Variants in SUPT16H observed in about 807,000 individuals in gnomAD.
The protein encoded by SUPT16H is SPT16 homolog, facilitates chromatin remodeling subunit.
Under a neutral mutation model 136.2 loss-of-function variants are expected in SUPT16H, and 24 were observed. The ratio of observed to expected loss-of-function variants is 0.18; its 90% confidence interval spans 0.13 to 0.25. The LOEUF (loss-of-function observed/expected upper bound fraction) is 0.25, where lower values mean the gene tolerates loss of function less well. Ranked by LOEUF, SUPT16H falls within the 10% of genes least tolerant of loss-of-function variation. The pLI, the probability that SUPT16H is intolerant of heterozygous loss-of-function variation, is 1.00. For synonymous variants in SUPT16H, 415 were observed against 428.2 expected (o/e 0.97, Z 0.38); for missense variants, 623 against 1,270.2 (o/e 0.49, Z 7.74).
At chr14:21,367,823 A>T (rs1047397267) in intron 7 of SUPT16H, among the ~76,000 whole-genome samples, 1 of 152,236 alleles carries the variant, frequency 6.6e-6, no homozygotes, top group African/African-American at 2.4e-5. Flanking sequence ...AGATGCTAGG[A>T]TGATTCAACA....
chr14:21,372,891 T>C (rs1886818203), intron 2 of SUPT16H, among the ~76,000 whole-genome samples: 1 of 152,198 alleles, frequency 6.6e-6, no homozygotes, highest in Non-Finnish European at 1.5e-5. Flanking sequence ...CTCTGTCCAA[T>C]ATGGGGTAGC....
chr14:21,377,518 A>G (rs1477193849), intron 1 of SUPT16H, among the ~76,000 whole-genome samples: 1 of 152,094 alleles, frequency 6.6e-6, no homozygotes, highest in Admixed American at 6.5e-5. Flanking sequence ...ACCAAAAGTG[A>G]GGGCAAACTA....
chr14:21,359,696 C>T (rs1886509806), intron 18 of SUPT16H, 87 bp from the exon 19 acceptor site: 17 of 1,488,744 alleles, frequency 1.1e-5, no homozygotes, highest in Non-Finnish European at 1.4e-5. Flanking sequence ...CTTGGGCCTC[C>T]ACAGCATGCA....
intron 25 of SUPT16H, 79 bp from the exon 26 acceptor site, chr14:21,352,897 A>G: frequency 1.3e-6 from 2 of 1,587,410 alleles, no homozygotes; most frequent in African/African-American, 1.3e-5. Flanking sequence ...GAGATAGTAC[A>G]GAGAATACAC....
intron 8 of SUPT16H, 58 bp from the exon 9 acceptor site, chr14:21,365,201 C>T (rs561579911): frequency 1.4e-6 from 2 of 1,465,682 alleles, no homozygotes; most frequent in Non-Finnish European, 1.9e-6. Flanking sequence ...ATGGATCAAG[C>T]ATAACATATT....
intron 10 of SUPT16H, among the ~76,000 whole-genome samples, chr14:21,364,611 A>C (rs1329047041): frequency 6.6e-6 from 1 of 152,220 alleles, no homozygotes; most frequent in Non-Finnish European, 1.5e-5. Context: ...TATCATTATC[A>C]AGGTTCAAGC....
intron 10 of SUPT16H, among the ~76,000 whole-genome samples, chr14:21,364,519 T>C (rs182283193): frequency 1.3e-5 from 2 of 152,370 alleles, no homozygotes; most frequent in Admixed American, 1.3e-4. Context: ...AATTGTATAG[T>C]ATGTGAATTG....
chr14:21,360,993 T>C, intron 16 of SUPT16H, 21 bp from the exon 17 acceptor site: 3 of 1,612,072 alleles, frequency 1.9e-6, no homozygotes, highest in Non-Finnish European at 2.5e-6. Context: ...AGAAAATTAA[T>C]GTGAATTGTC....
chr14:21,356,137 A>G (rs187603573), intron 22 of SUPT16H, among the ~76,000 whole-genome samples: 119 of 152,324 alleles, frequency 7.8e-4, no homozygotes, highest in African/African-American at 2.4e-3. Context: ...AGGCTGGGAC[A>G]GCTAGAATTT....
intron 14 of SUPT16H, 106 bp downstream of exon 14, chr14:21,362,688 A>G: frequency 7.8e-7 from 1 of 1,286,762 alleles, no homozygotes; most frequent in South Asian, 1.5e-5. Context: ...CAGAGTCTGA[A>G]GGAGTCAAAA....
intron 1 of SUPT16H, among the ~76,000 whole-genome samples, chr14:21,381,326 C>A (rs1055119455): frequency 2.6e-5 from 4 of 151,904 alleles, no homozygotes; most frequent in African/African-American, 9.7e-5. Context: ...AAAATATGTA[C>A]CTAACTGAAA....
chr14:21,363,337 A>G lies in SUPT16H; in HGVS notation c.1300-9T>C. On this transcript the variant is annotated splice_polypyrimidine_tract_variant and intron_variant, in intron 11 of 25. Coordinates refer to ENST00000216297, the MANE Select transcript of SUPT16H (RefSeq NM_007192.4). ...TCTTCCTCATCTTCATTCTATGGAA[A>G]AAGTCATAATCAAAAAATGAAATTT... is the stretch of plus-strand genomic sequence containing the variant. The G allele has an allele frequency of 6.2e-7, 1 of 1,602,010 alleles. No homozygotes were observed. The highest frequency in any genetic ancestry group is 8.5e-7 in the Non-Finnish European group (1 of 1,172,830).
chr14:21,362,107 T>C lies in SUPT16H; in HGVS notation c.1793+90A>G, dbSNP rs1022429366. 4 of 1,445,496 alleles carry C rather than the reference T, an allele frequency of 2.8e-6. No individual in the cohort carries two copies. The African/African-American group carries it at 5.7e-5, about 21-fold the overall frequency. The allele number at this position is 1,445,496 out of a possible 1,614,324, so 89.5% of individuals were successfully genotyped here. A position where few individuals can be genotyped will look rare whatever the true frequency, so the allele number is the denominator to read the frequency against. Reference sequence around the variant, plus strand: ...GAGGAAGGCTTTGACATTTACTAGGTAGGGAAAATGTAGCACAGACAATGA... The same window carrying C: ...GAGGAAGGCTTTGACATTTACTAGGCAGGGAAAATGTAGCACAGACAATGA... On this transcript the variant is annotated intron_variant, in intron 15 of 25. Transcript: ENST00000216297.
chr14:21,380,604 G>C (rs556277491), intron 1 of SUPT16H, among the ~76,000 whole-genome samples: 1 of 152,134 alleles, frequency 6.6e-6, no homozygotes, highest in African/African-American at 2.4e-5. Flanking sequence ...AATTTCTTTG[G>C]GGTCAGTCTT....
At chr14:21,376,512 G>A (rs887067374) in intron 1 of SUPT16H, among the ~76,000 whole-genome samples, 5 of 152,152 alleles carry the variant, frequency 3.3e-5, no homozygotes, top group Non-Finnish European at 7.4e-5. Context: ...ATTATGCAAA[G>A]AAGTCACTAC....
Position 21,351,612 on chromosome 14 carries a change from T to A in SUPT16H, c.*1061A>T. On this transcript the variant is annotated 3_prime_UTR_variant, in exon 26 of 26. Coordinates refer to ENST00000216297, the MANE Select transcript of SUPT16H (RefSeq NM_007192.4). ...CGGGACCCCTCCCCCCTTCTTCTCT[T>A]AAAGTCACAGAGCACGGAAGGAACT... 6.0e-6 allele frequency: 1 copy of A among 166,736 alleles called. No homozygotes were observed. The allele number at this position is 166,736 out of a possible 1,614,324, so 10.3% of individuals were successfully genotyped here.
chr14:21,362,158 A>G, intron 15 of SUPT16H, 39 bp downstream of exon 15: 1 of 1,601,090 alleles, frequency 6.2e-7, no homozygotes, highest in Non-Finnish European at 8.5e-7. Context: ...ACCACTCCAG[A>G]CAAGATGAAT....
chr14:21,370,581 C>A, intron 3 of SUPT16H, 93 bp from the exon 4 acceptor site: 2 of 1,386,254 alleles, frequency 1.4e-6, no homozygotes, highest in Non-Finnish European at 2.0e-6. Context: ...TTCTAAACTA[C>A]GGAAAAAATT....
At position 21,367,537 on chromosome 14, in the gene SUPT16H, T is replaced by C. The variant is rs973122594; in HGVS notation, c.955+732A>G. Among the ~76,000 whole-genome samples, 8 of 152,194 alleles carry C rather than the reference T, an allele frequency of 5.3e-5. 1 individual carries two copies. Among genetic ancestry groups the C allele is most frequent in the Non-Finnish European group, 7.3e-5 (5 of 68,032 alleles). On this transcript the variant is annotated intron_variant, in intron 7 of 25. Coordinates refer to ENST00000216297, the MANE Select transcript of SUPT16H (RefSeq NM_007192.4). ...AACTATCTATGGCTATGATTTCCAA[T>C]AGGACTTCTTAAGACCGACTTAGAG...
Sources: gnomAD v4.1 joint callset for allele counts (sites outside exome capture counted in the v4.1 genomes callset) on GRCh38, gnomAD v4.1.1 for gene constraint, MANE v1.5 for transcripts, NCBI Gene and HGNC (gene_info 2026-07-23, HGNC 2026-07-21) for gene names.